TAFA1: variants seen among roughly 807,000 people sequenced by gnomAD.
The protein encoded by TAFA1 is TAFA chemokine like family member 1.
In TAFA1, 4 loss-of-function variants were observed where a neutral mutation model predicts 18.5. The ratio of observed to expected loss-of-function variants is 0.22; its 90% CI spans 0.11 to 0.49. TAFA1 has a LOEUF of 0.49. Ranked by LOEUF, TAFA1 falls within the 20% of genes least tolerant of loss-of-function variation. TAFA1 has a pLI of 0.98. For missense variants in TAFA1, 147 were observed against 169.0 expected, an observed-to-expected ratio of 0.87 and a Z score of 0.72; for synonymous variants, 56 against 55.2, an observed-to-expected ratio of 1.01 and a Z score of -0.06.
intron 2 of TAFA1, among the ~76,000 whole-genome samples, chr3:68,177,902 TG>T (rs1431513712): frequency 6.6e-6 from 1 of 152,160 alleles, no homozygotes; most frequent in Non-Finnish European, 1.5e-5. Context: ...CCCAGCCCTT[TG>T]GGAGTCCGAG....
Position 68,452,299 on chromosome 3 carries a change from G to A in TAFA1, c.259+34879G>A, listed in dbSNP as rs552112829. ...GCACTTTGGGAGGCCAAGGTGGGTG[G>A]ATCACCTGAGGTCAGGAGTTCAAGA... On this transcript the variant is annotated intron_variant, in intron 3 of 4. Transcript: ENST00000478136. 7.3e-4 allele frequency among the ~76,000 whole-genome samples: 111 copies of A among 152,178 alleles called. 1 individual carries two copies. The South Asian group carries it at 0.016, about 22-fold the overall frequency.
intron 2 of TAFA1, among the ~76,000 whole-genome samples, chr3:68,139,327 C>T (rs1038252190): frequency 2.6e-5 from 4 of 152,110 alleles, no homozygotes; most frequent in African/African-American, 7.2e-5. Flanking sequence ...GTAGAGTGAA[C>T]ACTGTTTCAA....
intron 2 of TAFA1, among the ~76,000 whole-genome samples, chr3:68,359,414 A>G (rs262236): frequency 0.49 from 74,467 of 151,862 alleles, 18,734 homozygotes; most frequent in East Asian, 0.73. Context: ...TTTTAAAATA[A>G]GGAGATTATC....
intron 2 of TAFA1, among the ~76,000 whole-genome samples, chr3:68,358,447 C>T (rs933896151): frequency 6.6e-6 from 1 of 151,850 alleles, no homozygotes; most frequent in Non-Finnish European, 1.5e-5. Context: ...ATCTAACAGG[C>T]AGGGAAACTG....
intron 3 of TAFA1, among the ~76,000 whole-genome samples, chr3:68,538,515 G>A (rs1051583055): frequency 6.6e-6 from 1 of 152,122 alleles, no homozygotes; most frequent in African/African-American, 2.4e-5. Context: ...ATTTTGAAAA[G>A]GCAGTCTCAA....
chr3:68,207,815 G>T (rs529111302), intron 2 of TAFA1, among the ~76,000 whole-genome samples: 2 of 152,022 alleles, frequency 1.3e-5, no homozygotes, highest in South Asian at 4.1e-4. Flanking sequence ...GAAATTAGAT[G>T]CCCTTGTTAT....
intron 2 of TAFA1, among the ~76,000 whole-genome samples, chr3:68,058,578 G>C (rs2064563451): frequency 6.6e-6 from 1 of 152,126 alleles, no homozygotes; most frequent in South Asian, 2.1e-4. Flanking sequence ...AGCTGAGATT[G>C]ACTTCTCAGT....
At chr3:68,157,938 C>T (rs1213502411) in intron 2 of TAFA1, among the ~76,000 whole-genome samples, 2 of 152,184 alleles carry the variant, frequency 1.3e-5, no homozygotes, top group Non-Finnish European at 2.9e-5. Context: ...GTCTGGCCAA[C>T]TTTCACATTT....
At chr3:68,107,254 T>C (rs940942061) in intron 2 of TAFA1, among the ~76,000 whole-genome samples, 7 of 152,214 alleles carry the variant, frequency 4.6e-5, no homozygotes, top group African/African-American at 1.7e-4. Context: ...CTATTAAATG[T>C]CTACCAGTAA....
intron 3 of TAFA1, among the ~76,000 whole-genome samples, chr3:68,527,185 G>C (rs988107926): frequency 6.6e-6 from 1 of 152,138 alleles, no homozygotes. Flanking sequence ...TTTACAAATA[G>C]AATCAGGGAT....
intron 2 of TAFA1, among the ~76,000 whole-genome samples, chr3:68,399,404 T>G (rs2070444552): frequency 6.6e-6 from 1 of 152,158 alleles, no homozygotes; most frequent in African/African-American, 2.4e-5. Context: ...CAACAGAGGC[T>G]CAACCATCCA....
intron 2 of TAFA1, among the ~76,000 whole-genome samples, chr3:68,416,961 TA>T (rs1034387206): frequency 2.0e-5 from 3 of 152,102 alleles, no homozygotes; most frequent in African/African-American, 7.2e-5. Flanking sequence ...GCTCCCAAAA[TA>T]TGCATTTAAA....
intron 2 of TAFA1, among the ~76,000 whole-genome samples, chr3:68,414,160 A>G (rs2070768413): frequency 6.6e-6 from 1 of 152,142 alleles, no homozygotes; most frequent in South Asian, 2.1e-4. Context: ...CAAAAAAATT[A>G]GCTGGGCATG....
At chr3:68,438,830 C>T (rs2071311636) in intron 3 of TAFA1, among the ~76,000 whole-genome samples, 1 of 152,066 alleles carries the variant, frequency 6.6e-6, no homozygotes, top group African/African-American at 2.4e-5. Flanking sequence ...GAGTGGGTTT[C>T]ATCTCAATTA....
intron 2 of TAFA1, among the ~76,000 whole-genome samples, chr3:68,051,291 A>G (rs1048848351): frequency 2.0e-5 from 3 of 152,150 alleles, no homozygotes; most frequent in South Asian, 2.1e-4. Flanking sequence ...ACTCACTGCA[A>G]TTCTATTGGA....
At chr3:68,018,144 T>C (rs1039772559) in intron 2 of TAFA1, among the ~76,000 whole-genome samples, 1 of 152,206 alleles carries the variant, frequency 6.6e-6, no homozygotes, top group Admixed American at 6.5e-5. Flanking sequence ...TATTTCTTAA[T>C]TACTTAGTTT....
chr3:67,993,108 C>T, the TAFA1 span, among the ~76,000 whole-genome samples: 1 of 152,234 alleles, frequency 6.6e-6, no homozygotes, highest in African/African-American at 2.4e-5. Context: ...TTCTCCTACA[C>T]ATGCAGAGAA....
At chr3:68,405,975 T>G (rs545371935) in intron 2 of TAFA1, among the ~76,000 whole-genome samples, 7 of 152,094 alleles carry the variant, frequency 4.6e-5, no homozygotes, top group Non-Finnish European at 1.0e-4. Flanking sequence ...GTATACCTAC[T>G]ATGTGCTGCT....
At chr3:68,386,329 T>C (rs1232643078) in intron 2 of TAFA1, among the ~76,000 whole-genome samples, 2 of 152,148 alleles carry the variant, frequency 1.3e-5, no homozygotes, top group Non-Finnish European at 2.9e-5. Flanking sequence ...CGTAATCATA[T>C]CACATTTTTT....
Sources: gnomAD v4.1 joint callset for allele counts (sites outside exome capture counted in the v4.1 genomes callset) on GRCh38, gnomAD v4.1.1 for gene constraint, MANE v1.5 for transcripts, NCBI Gene and HGNC (gene_info 2026-07-23, HGNC 2026-07-21) for gene names.